The following FAM81A variants were observed in gnomAD, a reference collection of about 807,000 sequenced individuals.
FAM81A encodes family with sequence similarity 81 member A, also known as protein FAM81A.
A neutral mutation model predicts 46.7 loss-of-function variants in FAM81A; 19 were observed. The observed-to-expected ratio is 0.41, with a 90% CI of 0.28 to 0.60. The LOEUF is 0.60. FAM81A is among the 20% of genes least tolerant of loss of function. The probability of loss-of-function intolerance (pLI) is 0.34; values close to 1 mark genes in which losing one functional copy is unlikely to be tolerated. For synonymous variants in FAM81A, 183 were observed against 152.9 expected, an observed-to-expected ratio of 1.20 and a Z score of -1.45; for missense variants, 377 against 453.5, an observed-to-expected ratio of 0.83 and a Z score of 1.53.
At chr15:59,444,788 G>C (rs1425542445) in intron 1 of FAM81A, among the ~76,000 whole-genome samples, 1 of 152,040 alleles carries the variant, frequency 6.6e-6, no homozygotes, top group East Asian at 1.9e-4. Context: ...ATTGGATGTG[G>C]TTTTATGTTC....
intron 3 of FAM81A, among the ~76,000 whole-genome samples, chr15:59,481,195 A>G (rs2081845971): frequency 6.6e-6 from 1 of 151,992 alleles, no homozygotes; most frequent in Non-Finnish European, 1.5e-5. Context: ...ACAGGGTTTC[A>G]CCATGTTGCC....
intron 3 of FAM81A, among the ~76,000 whole-genome samples, chr15:59,467,092 C>T (rs2081623630): frequency 1.3e-5 from 2 of 152,178 alleles, no homozygotes; most frequent in Admixed American, 6.5e-5. Context: ...CAGTACCATG[C>T]CGTTTTGGTT....
intron 1 of FAM81A, among the ~76,000 whole-genome samples, chr15:59,456,998 T>C (rs993063727): frequency 1.3e-5 from 2 of 152,246 alleles, no homozygotes; most frequent in African/African-American, 4.8e-5. Flanking sequence ...AGTTAGGCTA[T>C]TCTGTAGATT....
rs781583363 is a variant in FAM81A, at chr15:59,516,620, G to T, written c.787-25G>T. The T allele has an allele frequency of 7.5e-6, 12 of 1,599,192 alleles. No homozygotes were observed. In the East Asian group the frequency reaches 2.7e-4, roughly 36 times the overall value. ...GCAGATTTCTTTTTGGAGTGATTAA[G>T]TGCAGTTCTTATCATGGATCTCAGG... On this transcript the variant is annotated intron_variant, in intron 7 of 8. Coordinates refer to ENST00000288228, the MANE Select transcript of FAM81A (RefSeq NM_152450.3).
chr15:59,474,477 G>C (rs1025393937), intron 3 of FAM81A, among the ~76,000 whole-genome samples: 1 of 152,186 alleles, frequency 6.6e-6, no homozygotes, highest in Non-Finnish European at 1.5e-5. Context: ...GGATTGAACA[G>C]AGTGGACCTC....
At chr15:59,502,064 CAAT>C (rs1426850109) in intron 4 of FAM81A, among the ~76,000 whole-genome samples, 1 of 151,644 alleles carries the variant, frequency 6.6e-6, no homozygotes, top group Non-Finnish European at 1.5e-5. Context: ...CAATTGTTAA[CAAT>C]ATGTCACATT....
chr15:59,500,958 A>G (rs562781268), intron 4 of FAM81A, among the ~76,000 whole-genome samples: 102 of 152,148 alleles, frequency 6.7e-4, no homozygotes, highest in African/African-American at 2.4e-3. Flanking sequence ...TTCTATATTT[A>G]TATTAGCTAT....
intron 3 of FAM81A, among the ~76,000 whole-genome samples, chr15:59,477,630 T>A (rs1394220025): frequency 6.6e-6 from 1 of 152,210 alleles, no homozygotes; most frequent in African/African-American, 2.4e-5. Flanking sequence ...AACAGAGTCT[T>A]AATATTTCTA....
rs1448909620 is a variant in FAM81A at position 59,516,684 on chromosome 15, A to G, written c.826A>G (p.Met276Val). Residue 276 changes from methionine to valine, a missense_variant, in exon 8 of 9, where the codon ATG becomes GTG. Met to Val is a conservative substitution (Grantham distance 21). Coordinates refer to ENST00000288228, the MANE Select transcript of FAM81A (RefSeq NM_152450.3). The part of the protein sequence containing the change: ...ERDMEKKLSQ[M>V]SARLDKIEEG... ...GGATATGGAGAAGAAGCTCAGCCAG[A>G]TGTCAGCCAGGCTTGACAAAATAGA... 2.5e-6 allele frequency: 4 copies of G among 1,613,504 alleles called. No homozygotes were observed. The highest frequency in any genetic ancestry group is 1.1e-5 in the South Asian group (1 of 91,046).
chr15:59,491,536 T>C (rs1228576655), intron 3 of FAM81A, among the ~76,000 whole-genome samples: 1 of 152,188 alleles, frequency 6.6e-6, no homozygotes, highest in Non-Finnish European at 1.5e-5. Context: ...TCAATAATAA[T>C]TTAATTGTAC....
chr15:59,428,243 T>C (rs1330198097), intron 2 of FAM81A, among the ~76,000 whole-genome samples: 1 of 152,164 alleles, frequency 6.6e-6, no homozygotes, highest in South Asian at 2.1e-4. Context: ...CCATTTTAAA[T>C]TGGATTATTA....
intron 4 of FAM81A, among the ~76,000 whole-genome samples, chr15:59,499,083 CT>C (rs1189978777): frequency 1.3e-5 from 2 of 152,058 alleles, no homozygotes; most frequent in Non-Finnish European, 2.9e-5. Context: ...TTATCAAATG[CT>C]TTTTTTCCAC....
chr15:59,455,729 C>G (rs1205709453), intron 1 of FAM81A, among the ~76,000 whole-genome samples: 1 of 152,154 alleles, frequency 6.6e-6, no homozygotes, highest in Non-Finnish European at 1.5e-5. Context: ...AAAGCCATCT[C>G]CGATAATCAG....
rs2082330310 is a variant in FAM81A at position 59,521,713 on chromosome 15, ACT to A, written c.*336_*337del. 1 of 175,782 alleles carries A rather than the reference ACT, an allele frequency of 5.7e-6. No individual in the cohort carries two copies. Among genetic ancestry groups the A allele is most frequent in the Non-Finnish European group, 1.2e-5 (1 of 84,044 alleles). 10.9% of individuals were successfully genotyped at this position (175,782 alleles called of 1,614,324 possible). Reference sequence around the variant, plus strand: ...CTTGATGCACTAATGAAGACTGTTTACTATTTTGAAAAATGTCATGGGGATTT... The same window carrying A: ...CTTGATGCACTAATGAAGACTGTTTAATTTTGAAAAATGTCATGGGGATTT... On this transcript the variant is annotated 3_prime_UTR_variant, in exon 9 of 9. Transcript: ENST00000288228.
intron 1 of FAM81A, among the ~76,000 whole-genome samples, chr15:59,451,526 C>T (rs2081418688): frequency 6.6e-6 from 1 of 151,560 alleles, no homozygotes; most frequent in South Asian, 2.1e-4. Flanking sequence ...GATCTGGGCT[C>T]ACTGCAACTT....
intron 3 of FAM81A, among the ~76,000 whole-genome samples, chr15:59,467,105 T>C (rs542511092): frequency 6.6e-6 from 1 of 152,358 alleles, no homozygotes; most frequent in East Asian, 1.9e-4. Context: ...TTTTGGTTAC[T>C]GTAGCCTTGT....
intron 3 of FAM81A, among the ~76,000 whole-genome samples, chr15:59,479,365 G>T (rs548531702): frequency 1.5e-4 from 23 of 152,022 alleles, no homozygotes; most frequent in African/African-American, 5.1e-4. Context: ...ACAAAAATTA[G>T]CCGGGTGTGG....
chr15:59,437,313 C>T (rs1219890275), upstream of FAM81A, among the ~76,000 whole-genome samples: 1 of 151,598 alleles, frequency 6.6e-6, no homozygotes, highest in Non-Finnish European at 1.5e-5. Context: ...GGGTAAGTAC[C>T]AGTATCTGCG....
intron 4 of FAM81A, among the ~76,000 whole-genome samples, chr15:59,502,485 CTGTGTGTGTGTG>C (rs71119478): frequency 1.0e-3 from 139 of 138,278 alleles, no homozygotes; most frequent in East Asian, 3.2e-3. Context: ...GTTGACTTCA[CTGTGTGTGTGTG>C]TGTGTGTGTG....
Sources: gnomAD v4.1 joint callset for allele counts (sites outside exome capture counted in the v4.1 genomes callset) on GRCh38, gnomAD v4.1.1 for gene constraint, MANE v1.5 for transcripts, NCBI Gene and HGNC (gene_info 2026-07-23, HGNC 2026-07-21) for gene names.